Variants in C8orf34 observed in about 807,000 individuals in gnomAD.
C8orf34 encodes the protein chromosome 8 open reading frame 34.
Under a neutral mutation model 68.3 loss-of-function variants are expected in C8orf34, and 65 were observed. The ratio of observed to expected loss-of-function variants is 0.95; its 90% CI spans 0.78 to 1.17. C8orf34 has a LOEUF of 1.17. C8orf34 is among the 50% of genes most tolerant of loss of function. C8orf34 has a pLI of 0.00. For missense variants in C8orf34, 664 were observed against 655.4 expected, an observed-to-expected ratio of 1.01 and a Z score of -0.14; for synonymous variants, 244 against 241.2, an observed-to-expected ratio of 1.01 and a Z score of -0.11.
intron 10 of C8orf34, among the ~76,000 whole-genome samples, chr8:68,760,403 A>G (rs536490676): frequency 7.2e-5 from 11 of 152,338 alleles, no homozygotes; most frequent in Admixed American, 6.5e-4. Context: ...ACACATACCT[A>G]ATAAATGAGT....
intron 5 of C8orf34, among the ~76,000 whole-genome samples, chr8:68,503,747 GAT>G (rs1813882707): frequency 6.8e-6 from 1 of 148,012 alleles, no homozygotes; most frequent in Non-Finnish European, 1.5e-5. Flanking sequence ...ATTTGCTCAA[GAT>G]CTCAAAACTA....
chr8:68,519,241 T>C (rs1814648179), intron 5 of C8orf34, among the ~76,000 whole-genome samples: 1 of 152,176 alleles, frequency 6.6e-6, no homozygotes, highest in Non-Finnish European at 1.5e-5. Context: ...AAACACAAAC[T>C]TGGGCACTTA....
At chr8:68,441,100 T>G (rs967182317) in intron 2 of C8orf34, among the ~76,000 whole-genome samples, 11 of 150,152 alleles carry the variant, frequency 7.3e-5, no homozygotes, top group African/African-American at 9.7e-5. Context: ...CACCATGCCC[T>G]GCCAACTCTT....
intron 7 of C8orf34, among the ~76,000 whole-genome samples, chr8:68,553,600 C>T (rs1214035282): frequency 6.6e-6 from 1 of 151,740 alleles, no homozygotes; most frequent in African/African-American, 2.4e-5. Flanking sequence ...TTTATTTATT[C>T]CTAGGAATCT....
intron 10 of C8orf34, among the ~76,000 whole-genome samples, chr8:68,727,968 T>C (rs1245273990): frequency 6.6e-6 from 1 of 152,228 alleles, no homozygotes; most frequent in African/African-American, 2.4e-5. Flanking sequence ...TTATGCAAAT[T>C]TCTGCAGCCA....
At chr8:68,564,732 G>A (rs1816533429) in intron 7 of C8orf34, among the ~76,000 whole-genome samples, 2 of 152,140 alleles carry the variant, frequency 1.3e-5, no homozygotes, top group South Asian at 4.1e-4. Flanking sequence ...TAACAGAGAG[G>A]TTTGTCAATT....
At chr8:68,741,882 A>G (rs922221380) in intron 10 of C8orf34, among the ~76,000 whole-genome samples, 3 of 152,174 alleles carry the variant, frequency 2.0e-5, no homozygotes, top group Admixed American at 6.6e-5. Context: ...GTTGATTGAC[A>G]TTTAGGTTTA....
intron 3 of C8orf34, among the ~76,000 whole-genome samples, chr8:68,464,475 A>G (rs1429910686): frequency 6.6e-6 from 1 of 151,738 alleles, no homozygotes; most frequent in African/African-American, 2.4e-5. Context: ...GAACCAAAAA[A>G]GAGCCCGCAT....
At chr8:68,605,351 C>T (rs74451682) in intron 7 of C8orf34, among the ~76,000 whole-genome samples, 3,163 of 152,202 alleles carry the variant, frequency 0.021, 115 homozygotes, top group African/African-American at 0.07. Context: ...GGCAATTGCA[C>T]TCCTTGGTAT....
chr8:68,456,089 C>CA (rs544998502), intron 3 of C8orf34, among the ~76,000 whole-genome samples: 4,298 of 118,674 alleles, frequency 0.036, 93 homozygotes, highest in East Asian at 0.1. Flanking sequence ...ACTAAAAATC[C>CA]AAAAAAAAAA....
At chr8:68,633,450 C>G (rs550089925) in intron 7 of C8orf34, among the ~76,000 whole-genome samples, 1 of 152,302 alleles carries the variant, frequency 6.6e-6, no homozygotes, top group Admixed American at 6.5e-5. Context: ...ACATTCTTCT[C>G]TCACTTACTA....
intron 1 of C8orf34, among the ~76,000 whole-genome samples, chr8:68,414,445 T>C (rs993002590): frequency 5.3e-5 from 8 of 152,164 alleles, no homozygotes; most frequent in Non-Finnish European, 1.2e-4. Context: ...TTGAGAACAA[T>C]TTTTAGTTAG....
chr8:68,681,796 G>C (rs186387290), intron 8 of C8orf34, among the ~76,000 whole-genome samples: 101 of 152,226 alleles, frequency 6.6e-4, no homozygotes, highest in African/African-American at 2.3e-3. Context: ...AATGGATAAA[G>C]AAAGTGCACA....
chr8:68,650,578 C>G (rs1213155882), intron 8 of C8orf34, among the ~76,000 whole-genome samples: 8 of 147,948 alleles, frequency 5.4e-5, no homozygotes, highest in Admixed American at 3.4e-4. Context: ...CTCCCGGGTT[C>G]ACGCCATTCT....
chr8:68,593,283 A>G (rs1018233669), intron 7 of C8orf34, among the ~76,000 whole-genome samples: 1 of 152,132 alleles, frequency 6.6e-6, no homozygotes, highest in African/African-American at 2.4e-5. Context: ...GTATAGTGTT[A>G]TAATCAATTA....
chr8:68,666,682 T>C (rs1819852454), intron 8 of C8orf34, among the ~76,000 whole-genome samples: 1 of 152,218 alleles, frequency 6.6e-6, no homozygotes, highest in Non-Finnish European at 1.5e-5. Context: ...TTGTCTCATT[T>C]AGATTTGCAA....
At chr8:68,518,914 C>CA (rs1314585650) in intron 5 of C8orf34, among the ~76,000 whole-genome samples, 7 of 137,764 alleles carry the variant, frequency 5.1e-5, no homozygotes, top group South Asian at 2.3e-4. Flanking sequence ...GGCAAGTATG[C>CA]AAAAAAAAGT....
intron 8 of C8orf34, among the ~76,000 whole-genome samples, chr8:68,670,665 C>A (rs528202090): frequency 1.3e-5 from 2 of 152,146 alleles, no homozygotes; most frequent in Non-Finnish European, 2.9e-5. Context: ...GTCTCACCCC[C>A]CATTTCCCTC....
intron 2 of C8orf34, 21 bp from the exon 3 acceptor site, chr8:68,446,308 A>G: frequency 6.4e-7 from 1 of 1,560,276 alleles, no homozygotes; most frequent in East Asian, 2.3e-5. Context: ...TTGCCATTTT[A>G]TATATATTTT....
Sources: gnomAD v4.1 joint callset for allele counts (sites outside exome capture counted in the v4.1 genomes callset) on GRCh38, gnomAD v4.1.1 for gene constraint, MANE v1.5 for transcripts, NCBI Gene and HGNC (gene_info 2026-07-23, HGNC 2026-07-21) for gene names.